The following SANBR variants were observed in gnomAD, a reference collection of about 807,000 sequenced individuals.
SANBR encodes the protein SANT and BTB domain regulator of CSR.
Under a neutral mutation model 101.8 loss-of-function variants are expected in SANBR, and 77 were observed. That is an observed-to-expected ratio of 0.76 (90% CI 0.63 to 0.91). The LOEUF (loss-of-function observed/expected upper bound fraction) is 0.91. SANBR is among the 40% of genes least tolerant of loss of function. The probability of loss-of-function intolerance (pLI) is 0.00; values close to 1 mark genes in which losing one functional copy is unlikely to be tolerated. For synonymous variants in SANBR, 279 were observed against 274.7 expected, an observed-to-expected ratio of 1.02 and a Z score of -0.15; for missense variants, 875 against 853.0, an observed-to-expected ratio of 1.03 and a Z score of -0.32.
At chr2:61,088,863 T>A (rs1028297362) in intron 10 of SANBR, 20 of 963,486 alleles carry the variant, frequency 2.1e-5, no homozygotes, top group Non-Finnish European at 2.3e-5. Flanking sequence ...TATAAAAATA[T>A]AACTACTTTT....
In SANBR at chr2:61,130,929, C is replaced by CAAAAAAAAAAAAAA. The variant is rs59171411; in HGVS notation, c.2029-3192_2029-3179dup. 2.3e-4 allele frequency among the ~76,000 whole-genome samples: 3 copies of CAAAAAAAAAAAAAA among 13,230 alleles called. 1 individual carries two copies. Among genetic ancestry groups the CAAAAAAAAAAAAAA allele is most frequent in the Non-Finnish European group, 4.3e-4 (3 of 7,038 alleles). 8.7% of individuals were successfully genotyped at this position (13,230 alleles called of 152,430 possible). On this transcript the variant is annotated intron_variant, in intron 20 of 21. Coordinates refer to the SANBR transcript ENST00000295031. ...TGGGTGACAGAGCGAGACTCTGTCT[C>CAAAAAAAAAAAAAA]AAAAAAAAAAAAAAAAAAAAAAAAA...
At chr2:61,078,963 C>T (rs935912613) in intron 6 of SANBR, among the ~76,000 whole-genome samples, 3 of 151,802 alleles carry the variant, frequency 2.0e-5, no homozygotes, top group African/African-American at 7.3e-5. Flanking sequence ...TGCACGAGCC[C>T]ATGAGGCAGA....
intron 13 of SANBR, among the ~76,000 whole-genome samples, chr2:61,105,202 G>A (rs1252300076): frequency 6.6e-6 from 1 of 152,022 alleles, no homozygotes; most frequent in Non-Finnish European, 1.5e-5. Flanking sequence ...CCAACATGGT[G>A]AAACCCCGTC....
chr2:61,125,424 C>T (rs1024083967), downstream of SANBR, among the ~76,000 whole-genome samples: 1 of 152,132 alleles, frequency 6.6e-6, no homozygotes, highest in Non-Finnish European at 1.5e-5. Flanking sequence ...AACTTACAAG[C>T]AAATCATATC....
intron 3 of SANBR, among the ~76,000 whole-genome samples, chr2:61,071,364 T>TA (rs1456161194): frequency 6.6e-6 from 1 of 151,766 alleles, no homozygotes; most frequent in Non-Finnish European, 1.5e-5. Context: ...GCCTGACCAA[T>TA]ATAGTGAAAC....
chr2:61,129,948 T>C (rs994219648), intron 20 of SANBR, among the ~76,000 whole-genome samples: 10 of 152,118 alleles, frequency 6.6e-5, no homozygotes, highest in Admixed American at 6.5e-4. Flanking sequence ...GTTTGTAACA[T>C]ATGTATGTAT....
intron 20 of SANBR, among the ~76,000 whole-genome samples, chr2:61,120,371 A>AC (rs1559144865): frequency 1.3e-5 from 2 of 152,136 alleles, no homozygotes; most frequent in Non-Finnish European, 2.9e-5. Context: ...GTGGTGGTGC[A>AC]GGCCTGTAAT....
chr2:61,108,717 T>G (rs549072667), intron 15 of SANBR, among the ~76,000 whole-genome samples: 10 of 152,112 alleles, frequency 6.6e-5, no homozygotes, highest in South Asian at 2.1e-4. Flanking sequence ...GCCATCAATA[T>G]TCACAAGAAT....
At chr2:61,115,260 T>C (rs1243357192) in intron 16 of SANBR, among the ~76,000 whole-genome samples, 1 of 152,074 alleles carries the variant, frequency 6.6e-6, no homozygotes, top group African/African-American at 2.4e-5. Flanking sequence ...CTTCAATTTG[T>C]TTTGATAATT....
Position 61,070,409 on chromosome 2 carries a change from T to C in SANBR, c.59T>C (p.Leu20Ser). 3 of 1,602,082 alleles carry C rather than the reference T, an allele frequency of 1.9e-6. No homozygotes were observed. The highest frequency in any genetic ancestry group is 1.1e-5 in the South Asian group (1 of 88,830). The change falls in exon 3 of 22, where the codon TTG becomes TCG. Residue 20 changes from leucine (L) to serine (S), a missense_variant. By Grantham distance (145) the Leu-to-Ser change is moderately radical. Transcript: ENST00000402291. ...NFLNNNNQMV[L>S]DMILYPLIGI... is the part of the protein sequence containing the mutation. ...CTGAACAATAATAACCAAATGGTAT[T>C]GGACATGATCCTTTATCCATTAATT...
At chr2:61,101,385 C>G (rs1381860296) in intron 12 of SANBR, among the ~76,000 whole-genome samples, 7 of 152,112 alleles carry the variant, frequency 4.6e-5, no homozygotes, top group Admixed American at 3.9e-4. Context: ...TCCATTTTAG[C>G]TATCATATTT....
chr2:61,079,613 T>C (rs1681983829), intron 6 of SANBR, among the ~76,000 whole-genome samples: 1 of 152,120 alleles, frequency 6.6e-6, no homozygotes, highest in Admixed American at 6.5e-5. Flanking sequence ...ATAATATGTA[T>C]GTGTGCAATA....
chr2:61,096,996 A>G (rs1389218594), intron 11 of SANBR, among the ~76,000 whole-genome samples: 1 of 152,150 alleles, frequency 6.6e-6, no homozygotes, highest in African/African-American at 2.4e-5. Context: ...TCTACTAAAA[A>G]TAGAAAAACT....
chr2:61,106,746 G>A, intron 14 of SANBR, 84 bp downstream of exon 14: 1 of 834,458 alleles, frequency 1.2e-6, no homozygotes, highest in Non-Finnish European at 1.9e-6. Flanking sequence ...ATCAGTTTAA[G>A]TTGAAATTGA....
intron 6 of SANBR, among the ~76,000 whole-genome samples, chr2:61,078,427 C>T (rs1160827388): frequency 6.6e-6 from 1 of 151,340 alleles, no homozygotes. Context: ...CTACTCTTTA[C>T]TCTTTTTTTT....
chr2:61,072,815 A>T (rs1681545039), intron 4 of SANBR, among the ~76,000 whole-genome samples: 1 of 56,454 alleles, frequency 1.8e-5, no homozygotes, highest in Non-Finnish European at 3.6e-5. Flanking sequence ...CTTGTCTCTC[A>T]TGTTACTTTT....
chr2:61,113,185 T>C (rs1054646799), intron 16 of SANBR, among the ~76,000 whole-genome samples: 2 of 152,240 alleles, frequency 1.3e-5, no homozygotes, highest in Non-Finnish European at 2.9e-5. Context: ...GATTCTTATG[T>C]CTTTCTTTAC....
intron 7 of SANBR, 111 bp from the exon 8 acceptor site, chr2:61,083,043 G>T: frequency 1.2e-6 from 1 of 848,328 alleles, no homozygotes; most frequent in Non-Finnish European, 1.8e-6. Context: ...CCCAGTTAGT[G>T]CCTAGCAATA....
At chr2:61,124,973 G>A (rs2104980982), downstream of SANBR, among the ~76,000 whole-genome samples, 1 of 152,254 alleles carries the variant, frequency 6.6e-6, no homozygotes, top group Non-Finnish European at 1.5e-5. Flanking sequence ...TGTATTTTGT[G>A]TTTAATTCCT....
Sources: allele counts gnomAD v4.1 joint callset (sites outside exome capture counted in the v4.1 genomes callset), GRCh38; gene constraint gnomAD v4.1.1; transcripts MANE v1.5; gene names NCBI Gene and HGNC (gene_info 2026-07-23, HGNC 2026-07-21).